The following IL17RD variants were observed in gnomAD, a reference collection of about 807,000 sequenced individuals.
The protein encoded by IL17RD is interleukin 17 receptor D.
In IL17RD, 52 loss-of-function variants were observed where a neutral mutation model predicts 80.5. The ratio of observed to expected loss-of-function variants is 0.65; its 90% CI spans 0.52 to 0.81. IL17RD has a LOEUF of 0.81. Among genes scored for constraint, IL17RD ranks in the 40% least tolerant of loss-of-function variants. The pLI is 0.00. For synonymous variants in IL17RD, 416 were observed against 391.8 expected (o/e 1.06, Z -0.73); for missense variants, 1,024 against 955.1 (o/e 1.07, Z -0.95).
intron 1 of IL17RD, among the ~76,000 whole-genome samples, chr3:57,135,365 G>A (rs1210505077): frequency 4.6e-5 from 7 of 152,264 alleles, no homozygotes; most frequent in African/African-American, 1.7e-4. Context: ...CCAACTGCCT[G>A]CGAAGTGGTG....
chr3:57,160,281 A>C (rs2060294790), intron 1 of IL17RD, among the ~76,000 whole-genome samples: 1 of 151,972 alleles, frequency 6.6e-6, no homozygotes, highest in Non-Finnish European at 1.5e-5. Flanking sequence ...TCAGGGACAG[A>C]GGAAGAAAAA....
intron 1 of IL17RD, among the ~76,000 whole-genome samples, chr3:57,121,895 C>T (rs1466743090): frequency 3.9e-5 from 6 of 152,182 alleles, no homozygotes; most frequent in Admixed American, 1.3e-4. Flanking sequence ...CATAAACTCA[C>T]TCCCCATCTA....
Position 57,096,286 on chromosome 3 carries a change from C to T in IL17RD, c.*107G>A, listed in dbSNP as rs1213386312. Reference sequence around the variant, plus strand: ...TGGCCAGCATTTCACTCCAAATATCCTTGTATGAGACCTCAGCTCCAAGTG... The same window carrying T: ...TGGCCAGCATTTCACTCCAAATATCTTTGTATGAGACCTCAGCTCCAAGTG... On this transcript the variant is annotated 3_prime_UTR_variant, in exon 13 of 13. Transcript: ENST00000296318. The T allele has an allele frequency of 2.6e-6, 2 of 778,516 alleles. No homozygotes were observed. Among genetic ancestry groups the T allele is most frequent in the Non-Finnish European group, 4.6e-6 (2 of 431,368 alleles). 48.2% of individuals were successfully genotyped at this position (778,516 alleles called of 1,614,324 possible). A position where few individuals can be genotyped will look rare whatever the true frequency, so the allele number is the denominator to read the frequency against.
intron 1 of IL17RD, among the ~76,000 whole-genome samples, chr3:57,155,980 T>C (rs2060264370): frequency 6.6e-6 from 1 of 152,268 alleles, no homozygotes; most frequent in African/African-American, 2.4e-5. Context: ...CACCCATTGC[T>C]CTTATTGCCT....
chr3:57,114,870 T>C (rs1707178760), intron 2 of IL17RD, 53 bp from the exon 3 acceptor site: 2 of 1,421,728 alleles, frequency 1.4e-6, no homozygotes, highest in Non-Finnish European at 1.9e-6. Flanking sequence ...ATTTTTATTT[T>C]CAGGTTCATC....
intron 1 of IL17RD, among the ~76,000 whole-genome samples, chr3:57,146,707 G>A (rs1380482433): frequency 1.5e-5 from 2 of 137,228 alleles, no homozygotes; most frequent in East Asian, 4.5e-4. Flanking sequence ...CCAAGATTAC[G>A]CCACTGCACT....
At position 57,092,172 on chromosome 3, in the gene IL17RD, C is replaced by G. The variant is rs1009828098; in HGVS notation, c.*4221G>C. 6.5e-6 allele frequency: 1 copy of G among 152,684 alleles called. No homozygotes were observed. The highest frequency in any genetic ancestry group is 6.5e-5 in the Admixed American group (1 of 15,286). 9.5% of individuals were successfully genotyped at this position (152,684 alleles called of 1,614,324 possible). ...GGACGCTAGGAGGTTCCTTGCCTTACTCTCTACAACTGCCTGCTTTCCTAA... is the reference window on the plus strand; with the variant it reads ...GGACGCTAGGAGGTTCCTTGCCTTAGTCTCTACAACTGCCTGCTTTCCTAA... On this transcript the variant is annotated 3_prime_UTR_variant, in exon 13 of 13. Transcript: ENST00000296318.
At chr3:57,150,098 T>A (rs1266493316) in intron 1 of IL17RD, among the ~76,000 whole-genome samples, 1 of 152,120 alleles carries the variant, frequency 6.6e-6, no homozygotes. Context: ...GCAGCTTTTT[T>A]AAAAACTCAG....
At chr3:57,105,550 A>AT (rs1210429108) in intron 7 of IL17RD, among the ~76,000 whole-genome samples, 37 of 80,396 alleles carry the variant, frequency 4.6e-4, no homozygotes, top group African/African-American at 2.1e-3. Context: ...AAAAAAAAAA[A>AT]AAATATATAT....
chr3:57,124,278 G>A (rs1020252987), intron 1 of IL17RD, among the ~76,000 whole-genome samples: 4 of 152,182 alleles, frequency 2.6e-5, no homozygotes, highest in Admixed American at 2.6e-4. Context: ...CCCCTTAAAC[G>A]TGTCCACATT....
Position 57,098,394 on chromosome 3 carries a change from G to A in IL17RD, c.1309C>T (p.His437Tyr), listed in dbSNP as rs1706749086. 1 of 1,614,018 alleles carries A rather than the reference G, an allele frequency of 6.2e-7. No individual in the cohort carries two copies. The highest frequency in any genetic ancestry group is 8.5e-7 in the Non-Finnish European group (1 of 1,179,892). The change falls in exon 12 of 13, where the codon CAC (histidine) becomes TAC (tyrosine). Residue 437 changes from histidine (H) to tyrosine (Y), a missense_variant. By Grantham distance (83) the His-to-Tyr change is moderately conservative (BLOSUM62 2). Transcript: ENST00000296318. The part of the protein sequence containing the change: ...KYFVDKKNYK[H>Y]KGGGRGSGKG... ...CCCGAGCCTCGGCCACCTCCTTTGT[G>A]TTTGTAGTTCTTCTTGTCCACAAAG...
At position 57,134,377 on chromosome 3, in the gene IL17RD, G is replaced by A. The variant is rs989275306; in HGVS notation, c.127-14064C>T. 19 of 697,890 alleles carry A rather than the reference G, an allele frequency of 2.7e-5. 1 individual carries two copies. The highest frequency in any genetic ancestry group is 3.5e-4 in the Middle Eastern group (1 of 2,898). The allele number at this position is 697,890 out of a possible 1,614,324, so 43.2% of individuals were successfully genotyped here. On this transcript the variant is annotated intron_variant, in intron 1 of 12. Coordinates refer to ENST00000296318, the MANE Select transcript of IL17RD (RefSeq NM_017563.5). ...GGCAGGCACATGGGCATAAGTAAGC[G>A]AAAGGGTACAGCCAATGCCCAAATG... is the stretch of plus-strand genomic sequence containing the variant.
chr3:57,134,871 T>C (rs981463391), intron 1 of IL17RD: 16 of 338,082 alleles, frequency 4.7e-5, no homozygotes, highest in Non-Finnish European at 8.6e-5. Flanking sequence ...CCCAGCACTT[T>C]GAGGCAGGGG....
At chr3:57,105,552 A>AAAAAAAAAAAAATATATATATAT in intron 7 of IL17RD, among the ~76,000 whole-genome samples, 8 of 63,584 alleles carry the variant, frequency 1.3e-4, no homozygotes, top group African/African-American at 6.5e-4. Context: ...AAAAAAAAAA[A>AAAAAAAAAAAAATATATATATAT]ATATATATAT....
chr3:57,131,008 G>A (rs1316193656), intron 1 of IL17RD, among the ~76,000 whole-genome samples: 2 of 152,218 alleles, frequency 1.3e-5, no homozygotes, highest in Non-Finnish European at 2.9e-5. Flanking sequence ...AACATCATTA[G>A]TGTCTGACTT....
intron 1 of IL17RD, among the ~76,000 whole-genome samples, chr3:57,132,766 T>C (rs1238509400): frequency 1.3e-5 from 2 of 152,194 alleles, no homozygotes; most frequent in Non-Finnish European, 2.9e-5. Flanking sequence ...GCCAAGTCAG[T>C]TGCACTGAAT....
At chr3:57,109,719 AGGTC>A (rs1707051490) in intron 4 of IL17RD, 62 bp from the exon 5 acceptor site, 8 of 1,552,528 alleles carry the variant, frequency 5.2e-6, no homozygotes, top group Non-Finnish European at 7.0e-6. Context: ...CACCTTCATA[AGGTC>A]TTCGCTCCTA....
chr3:57,112,492 G>A (rs1406278601), intron 3 of IL17RD, among the ~76,000 whole-genome samples: 1 of 152,132 alleles, frequency 6.6e-6, no homozygotes, highest in East Asian at 1.9e-4. Context: ...CAGGAAAAGC[G>A]CAGACTTCTG....
intron 1 of IL17RD, among the ~76,000 whole-genome samples, chr3:57,133,761 G>A (rs1707662242): frequency 6.6e-6 from 1 of 152,174 alleles, no homozygotes. Context: ...AGATGGAACA[G>A]CAGGTAGGAG....
Sources: allele counts gnomAD v4.1 joint callset (sites outside exome capture counted in the v4.1 genomes callset), GRCh38; gene constraint gnomAD v4.1.1; transcripts MANE v1.5; gene names NCBI Gene and HGNC (gene_info 2026-07-23, HGNC 2026-07-21).